The following SLC35E3 variants were observed in gnomAD, a reference collection of about 807,000 sequenced individuals.
The protein encoded by SLC35E3 is solute carrier family 35 member E3.
A neutral mutation model predicts 30.8 loss-of-function variants in SLC35E3; 28 were observed. That is an observed-to-expected ratio of 0.91 (90% CI 0.67 to 1.25). The LOEUF is 1.25. SLC35E3 is among the 50% of genes most tolerant of loss of function. The pLI, the probability that SLC35E3 is intolerant of heterozygous loss-of-function variation, is 0.00. For missense variants in SLC35E3, 365 were observed against 375.4 expected (o/e 0.97, Z 0.23); for synonymous variants, 146 against 149.2 (o/e 0.98, Z 0.16).
At chr12:68,747,374 A>G (rs957182693) in intron 1 of SLC35E3, among the ~76,000 whole-genome samples, 1 of 150,976 alleles carries the variant, frequency 6.6e-6, no homozygotes, top group African/African-American at 2.4e-5. Flanking sequence ...GGTTTAAGCG[A>G]TTCTCCTGCC....
Position 68,778,182 on chromosome 12 carries a change from T to G in SLC35E3, c.*13292T>G, listed in dbSNP as rs941540377. The G allele has an allele frequency of 6.6e-6, 1 of 151,770 alleles. No individual in the cohort carries two copies. The highest frequency in any genetic ancestry group is 1.5e-5 in the Non-Finnish European group (1 of 67,940). The allele number at this position is 151,770 out of a possible 1,614,324, so 9.4% of individuals were successfully genotyped here. On this transcript the variant is annotated 3_prime_UTR_variant, in exon 5 of 5. Coordinates refer to ENST00000398004, the MANE Select transcript of SLC35E3 (RefSeq NM_018656.5). The stretch of plus-strand genomic sequence containing the variant: ...ATATCAATAGCAGACAAAATAGAAT[T>G]TGAGGCAAAAAGTGTTAATAGGATC...
intron 2 of SLC35E3, among the ~76,000 whole-genome samples, chr12:68,749,455 G>A (rs1246364282): frequency 6.6e-6 from 1 of 152,186 alleles, no homozygotes; most frequent in Non-Finnish European, 1.5e-5. Flanking sequence ...GTAGAAAGAT[G>A]GTTGACTCAT....
chr12:68,749,671 G>C (rs1229444841), intron 2 of SLC35E3, among the ~76,000 whole-genome samples: 1 of 152,196 alleles, frequency 6.6e-6, no homozygotes, highest in Non-Finnish European at 1.5e-5. Flanking sequence ...AGACTTTACG[G>C]AAAAGTTAAC....
chr12:68,763,379 G>GTGTGTC (rs796779083), intron 4 of SLC35E3, among the ~76,000 whole-genome samples: 72 of 152,064 alleles, frequency 4.7e-4, no homozygotes, highest in African/African-American at 1.2e-3. Flanking sequence ...GTGTGTGTGT[G>GTGTGTC]TGTGTCTGTG....
Position 68,765,907 on chromosome 12 carries a change from C to T in SLC35E3, c.*1017C>T, listed in dbSNP as rs1879396567. The stretch of plus-strand genomic sequence containing the variant: ...TTCTAAGGAAGGACACACAGTAGCT[C>T]TCTGCTTGCTGATAGATGGTTTCCC... On this transcript the variant is annotated 3_prime_UTR_variant, in exon 5 of 5. Transcript: ENST00000398004. The T allele has an allele frequency of 6.6e-6, 1 of 150,920 alleles. No individual in the cohort carries two copies. Among genetic ancestry groups the T allele is most frequent in the African/African-American group, 2.4e-5 (1 of 40,966 alleles). 9.3% of individuals were successfully genotyped at this position (150,920 alleles called of 1,614,324 possible).
rs371829457 is a variant in SLC35E3 at position 68,766,441 on chromosome 12, A to G, written c.*1551A>G. The stretch of plus-strand genomic sequence containing the variant: ...GCAGAGGTTGTGGTGAGCCGAGATC[A>G]TGCCATTGCTCTCCAGCCTGGGCAA... On this transcript the variant is annotated 3_prime_UTR_variant, in exon 5 of 5. Coordinates refer to ENST00000398004, the MANE Select transcript of SLC35E3 (RefSeq NM_018656.5). 680 of 160,880 alleles carry G rather than the reference A, an allele frequency of 4.2e-3. 3 individuals carry two copies. The highest frequency in any genetic ancestry group is 0.014 in the African/African-American group (560 of 40,330). The allele number at this position is 160,880 out of a possible 1,614,324, so 10.0% of individuals were successfully genotyped here.
chr12:68,748,581 C>A (rs1334285306), intron 2 of SLC35E3, among the ~76,000 whole-genome samples: 9 of 151,792 alleles, frequency 5.9e-5, no homozygotes, highest in Non-Finnish European at 1.3e-4. Context: ...GAATATTTTT[C>A]CATTTGTGCA....
At chr12:68,752,550 C>A (rs1023052462) in intron 3 of SLC35E3, among the ~76,000 whole-genome samples, 1 of 152,192 alleles carries the variant, frequency 6.6e-6, no homozygotes, top group Admixed American at 6.5e-5. Context: ...ATCACTATTT[C>A]GATTTTGAAC....
At chr12:68,763,286 A>G (rs1879284049) in intron 4 of SLC35E3, among the ~76,000 whole-genome samples, 1 of 152,198 alleles carries the variant, frequency 6.6e-6, no homozygotes. Flanking sequence ...GGAAAAGCAC[A>G]TAGGCAAACA....
At chr12:68,761,804 C>T (rs1879241007) in intron 4 of SLC35E3, among the ~76,000 whole-genome samples, 1 of 152,150 alleles carries the variant, frequency 6.6e-6, no homozygotes, top group Admixed American at 6.6e-5. Flanking sequence ...ACAGGTTTTG[C>T]TGCCGAGTTG....
chr12:68,764,690 T>C lies in SLC35E3; in HGVS notation c.756-14T>C, dbSNP rs1344667026. On this transcript the variant is annotated splice_polypyrimidine_tract_variant and intron_variant, in intron 4 of 4. Coordinates refer to ENST00000398004, the MANE Select transcript of SLC35E3 (RefSeq NM_018656.5). ...ATCTTGTTATTCCTTTTTATCCTTA[T>C]CCAAAAACCTCAGCTATAACATGTT... The C allele has an allele frequency of 1.2e-6, 2 of 1,610,906 alleles. No individual in the cohort carries two copies. The highest frequency in any genetic ancestry group is 1.7e-4 in the Middle Eastern group (1 of 6,044).
intron 3 of SLC35E3, among the ~76,000 whole-genome samples, chr12:68,753,282 AG>A (rs1351991234): frequency 4.0e-4 from 60 of 151,848 alleles, no homozygotes; most frequent in African/African-American, 1.4e-3. Context: ...ACTCTGTCTC[AG>A]AAAAAAAATA....
rs1489224124 is a variant in SLC35E3, at chr12:68,746,427, G to C, written c.50G>C (p.Gly17Ala). 2 of 1,612,312 alleles carry C rather than the reference G, an allele frequency of 1.2e-6. No homozygotes were observed. The highest frequency in any genetic ancestry group is 1.7e-6 in the Non-Finnish European group (2 of 1,178,936). The change falls in exon 1 of 5, where the codon GGG becomes GCG. Residue 17 changes from glycine to alanine, a missense_variant. Physicochemically the swap from Gly to Ala is moderately conservative, Grantham distance 60. Transcript: ENST00000398004. ...CGGGGCCACTGGCGAATCGCCGCCG[G>C]GCTCCTGTTCAACCTGCTGGTGTCC... ...RVRGHWRIAA[G>A]LLFNLLVSIC...
At position 68,766,300 on chromosome 12, in the gene SLC35E3, A is replaced by C. The variant is rs1311649130; in HGVS notation, c.*1410A>C. 1 of 152,146 alleles carries C rather than the reference A, an allele frequency of 6.6e-6. No homozygotes were observed. The highest frequency in any genetic ancestry group is 2.4e-5 in the African/African-American group (1 of 41,402). 9.4% of individuals were successfully genotyped at this position (152,146 alleles called of 1,614,324 possible). A position where few individuals can be genotyped will look rare whatever the true frequency, so the allele number is the denominator to read the frequency against. On this transcript the variant is annotated 3_prime_UTR_variant, in exon 5 of 5. Coordinates refer to ENST00000398004, the MANE Select transcript of SLC35E3 (RefSeq NM_018656.5). ...TTGGGAGTTCAAGACCAGTCTGACC[A>C]ACATGGAGGAATCCCGTCTCTACTA...
In SLC35E3 at chr12:68,770,492, G is replaced by A. The variant is rs968345147; in HGVS notation, c.*5602G>A. On this transcript the variant is annotated 3_prime_UTR_variant, in exon 5 of 5. Transcript: ENST00000398004. ...ATAATTGAGTAGCTGGAGTCAACTGGACTGGAGATGGATTGGAAATGGAGG... is the reference window on the plus strand; with the variant it reads ...ATAATTGAGTAGCTGGAGTCAACTGAACTGGAGATGGATTGGAAATGGAGG... 3.9e-5 allele frequency: 6 copies of A among 152,702 alleles called. No homozygotes were observed. The East Asian group carries it at 1.2e-3, about 29-fold the overall frequency. 9.5% of individuals were successfully genotyped at this position (152,702 alleles called of 1,614,324 possible). A position where few individuals can be genotyped will look rare whatever the true frequency, so the allele number is the denominator to read the frequency against.
intron 4 of SLC35E3, among the ~76,000 whole-genome samples, chr12:68,761,312 C>A (rs1879225959): frequency 6.6e-6 from 1 of 152,288 alleles, no homozygotes; most frequent in African/African-American, 2.4e-5. Context: ...CTTTGGAAGG[C>A]CAAGACAGGA....
rs1879647800 is a variant in SLC35E3 at position 68,772,979 on chromosome 12, CAAAA to C, written c.*8091_*8094del. On this transcript the variant is annotated 3_prime_UTR_variant, in exon 5 of 5. Coordinates refer to ENST00000398004, the MANE Select transcript of SLC35E3 (RefSeq NM_018656.5). ...GGAAGATGGGACGTTCAAGCAGAAA[CAAAA>C]AGAGGAGCTAAAAGTGAAAGCCACC... The C allele has an allele frequency of 6.6e-6, 1 of 152,156 alleles. No homozygotes were observed. The highest frequency in any genetic ancestry group is 1.5e-5 in the Non-Finnish European group (1 of 68,132). 9.4% of individuals were successfully genotyped at this position (152,156 alleles called of 1,614,324 possible).
intron 3 of SLC35E3, among the ~76,000 whole-genome samples, chr12:68,755,432 A>G (rs766856897): frequency 1.3e-5 from 2 of 152,208 alleles, no homozygotes; most frequent in Non-Finnish European, 2.9e-5. Context: ...TCAAAGCACT[A>G]TGTAAATATT....
At chr12:68,752,282 G>A (rs577876432) in intron 3 of SLC35E3, 92 bp downstream of exon 3, 30 of 1,168,270 alleles carry the variant, frequency 2.6e-5, no homozygotes, top group Admixed American at 2.0e-4. Flanking sequence ...CACTATGTCC[G>A]ATCCATTCTC....
Sources: allele counts gnomAD v4.1 joint callset (sites outside exome capture counted in the v4.1 genomes callset), GRCh38; gene constraint gnomAD v4.1.1; transcripts MANE v1.5; gene names NCBI Gene and HGNC (gene_info 2026-07-23, HGNC 2026-07-21).